Variants in FSIP2 observed in about 807,000 individuals in gnomAD.
The protein encoded by FSIP2 is fibrous sheath-interacting protein 2.
A neutral mutation model predicts 510.5 loss-of-function variants in FSIP2; 367 were observed. That is an observed-to-expected ratio of 0.72 (90% confidence interval 0.66 to 0.78). The LOEUF (loss-of-function observed/expected upper bound fraction) is 0.78, where lower values mean the gene tolerates loss of function less well. FSIP2 is among the 30% of genes least tolerant of loss of function. The pLI is 0.00. For missense variants in FSIP2, 7,594 were observed against 7,901.7 expected (o/e 0.96, Z 1.48); for synonymous variants, 2,601 against 2,732.2 (o/e 0.95, Z 1.50).
rs1158857417 is a variant in FSIP2 at position 185,803,241 on chromosome 2, A to C, written c.13935A>C (p.Lys4645Asn). ...GGGTAGTAGGCATTGTACAAACAAA[A>C]TCCATAAGAGATTCAGAAGATGAAC... ...FHRVVGIVQT[K>N]SIRDSEDELF... Residue 4645 changes from lysine (K) to asparagine (N), a missense_variant, in exon 17 of 23, where the codon AAA becomes AAC. Lys to Asn is a moderately conservative substitution (Grantham distance 94, BLOSUM62 0). Coordinates refer to ENST00000424728, the MANE Select transcript of FSIP2 (RefSeq NM_173651.4). The C allele has an allele frequency of 1.3e-6, 2 of 1,527,860 alleles. No individual in the cohort carries two copies. Among genetic ancestry groups the C allele is most frequent in the Non-Finnish European group, 1.7e-6 (2 of 1,143,458 alleles). 94.6% of individuals were successfully genotyped at this position (1,527,860 alleles called of 1,614,324 possible).
chr2:185,826,078 A>G (rs1232835087), intron 20 of FSIP2, among the ~76,000 whole-genome samples: 1 of 151,816 alleles, frequency 6.6e-6, no homozygotes. Context: ...TTGTAGCCTA[A>G]AAGACATACA....
At chr2:185,817,134 G>A (rs1057507958) in intron 19 of FSIP2, among the ~76,000 whole-genome samples, 9 of 152,014 alleles carry the variant, frequency 5.9e-5, no homozygotes, top group Admixed American at 5.2e-4. Context: ...GTATAACACA[G>A]TTAAGAGAAA....
intron 13 of FSIP2, among the ~76,000 whole-genome samples, chr2:185,777,512 T>A (rs942830981): frequency 5.9e-5 from 9 of 151,982 alleles, no homozygotes; most frequent in African/African-American, 2.2e-4. Context: ...TTAAATAATT[T>A]CTCATTAAGT....
chr2:185,807,853 G>A lies in FSIP2; in HGVS notation c.18547G>A (p.Ala6183Thr). The part of the protein sequence containing the change: ...KLSYNIIEEI[A>T]VKFLSKLLSI... ...GTCTTATAACATAATAGAAGAAATTGCTGTGAAATTTTTATCAAAGCTTTT... is the reference window on the plus strand; with the variant it reads ...GTCTTATAACATAATAGAAGAAATTACTGTGAAATTTTTATCAAAGCTTTT... The change falls in exon 17 of 23, where the codon GCT becomes ACT. Residue 6183 changes from alanine to threonine, a missense_variant. Coordinates refer to ENST00000424728, the MANE Select transcript of FSIP2 (RefSeq NM_173651.4). The A allele has an allele frequency of 3.1e-6, 5 of 1,610,564 alleles. No homozygotes were observed. Among genetic ancestry groups the A allele is most frequent in the Non-Finnish European group, 4.2e-6 (5 of 1,178,608 alleles).
Position 185,791,330 on chromosome 2 carries a change from T to C in FSIP2, c.4194T>C (p.Asn1398=). The change falls in exon 16 of 23, where the codon AAT becomes AAC. Residue 1398 remains asparagine, a synonymous_variant. Transcript: ENST00000424728. ...TTGATGTACAAAGCATTTTGCCAAATAGGCAAGATAAAAAATCTTTTCACA... is the reference window on the plus strand; with the variant it reads ...TTGATGTACAAAGCATTTTGCCAAACAGGCAAGATAAAAAATCTTTTCACA... ...DSVDVQSILP[N]RQDKKSFHKY... The C allele has an allele frequency of 5.2e-6, 8 of 1,534,148 alleles. No individual in the cohort carries two copies. Among genetic ancestry groups the C allele is most frequent in the South Asian group, 1.2e-5 (1 of 84,016 alleles).
At chr2:185,782,004 C>G (rs182166443) in intron 13 of FSIP2, among the ~76,000 whole-genome samples, 3 of 152,036 alleles carry the variant, frequency 2.0e-5, no homozygotes, top group Non-Finnish European at 4.4e-5. Flanking sequence ...CCCGGCTAAT[C>G]TTTTTGTATT....
At chr2:185,753,697 C>T (rs1330072714) in intron 7 of FSIP2, 25 bp from the exon 8 acceptor site, 4 of 950,644 alleles carry the variant, frequency 4.2e-6, no homozygotes, top group Admixed American at 3.1e-5. Flanking sequence ...TAATATTAAC[C>T]AATATATTTT....
Position 185,753,711 on chromosome 2 carries a change from T to G in FSIP2, c.871-11T>G. The G allele has an allele frequency of 9.4e-7, 1 of 1,061,458 alleles. No individual in the cohort carries two copies. The highest frequency in any genetic ancestry group is 1.3e-6 in the Non-Finnish European group (1 of 749,570). The allele number at this position is 1,061,458 out of a possible 1,614,324, so 65.8% of individuals were successfully genotyped here. On this transcript the variant is annotated splice_polypyrimidine_tract_variant and intron_variant, in intron 7 of 22. Transcript: ENST00000424728. ...TTAATATTAACCAATATATTTTCTT[T>G]AATATTGTAGAAACAAGATCTTCTA... is the stretch of plus-strand genomic sequence containing the variant.
At chr2:185,755,182 AC>A (rs1692220260) in intron 8 of FSIP2, among the ~76,000 whole-genome samples, 1 of 151,540 alleles carries the variant, frequency 6.6e-6, no homozygotes, top group Non-Finnish European at 1.5e-5. Flanking sequence ...AGTAGTTTGC[AC>A]CACTTTTAAT....
chr2:185,776,977 G>A (rs1692738192), intron 13 of FSIP2, among the ~76,000 whole-genome samples: 1 of 152,096 alleles, frequency 6.6e-6, no homozygotes, highest in African/African-American at 2.4e-5. Context: ...GCCCACCTCA[G>A]CCTCCCAAAG....
chr2:185,793,674 C>A lies in FSIP2; in HGVS notation c.6538C>A (p.Pro2180Thr). 2.0e-6 allele frequency: 3 copies of A among 1,534,718 alleles called. No homozygotes were observed. In the South Asian group the frequency reaches 3.6e-5, roughly 18 times the overall value. Reference protein sequence around the residue: ...AATLVINAKNPTSARLPLTFC... With the variant: ...AATLVINAKNTTSARLPLTFC... ...CACGCTTGTCATAAATGCAAAGAATCCTACTTCTGCAAGATTGCCCCTGAC... is the reference window on the plus strand; with the variant it reads ...CACGCTTGTCATAAATGCAAAGAATACTACTTCTGCAAGATTGCCCCTGAC... Residue 2180 changes from proline to threonine, a missense_variant, in exon 16 of 23, where the codon CCT becomes ACT. Transcript: ENST00000424728.
chr2:185,745,332 GAATT>G (rs972376045), intron 4 of FSIP2, 93 bp from the exon 5 acceptor site: 3 of 733,420 alleles, frequency 4.1e-6, no homozygotes, highest in Non-Finnish European at 6.0e-6. Context: ...CAATTAAACA[GAATT>G]AAGCATTTAT....
In FSIP2 at chr2:185,791,384, C is replaced by T. The variant is rs1328902408; in HGVS notation, c.4248C>T (p.His1416=). 9.1e-6 allele frequency: 14 copies of T among 1,533,986 alleles called. No individual in the cohort carries two copies. Among genetic ancestry groups the T allele is most frequent in the Non-Finnish European group, 1.2e-5 (14 of 1,145,500 alleles). The change falls in exon 16 of 23, where the codon CAC becomes CAT. Residue 1416 remains histidine, a synonymous_variant. Transcript: ENST00000424728. ...ATTTGGCTACTCCTTGTACTCACCACAGTGTCAATGGTGGAAACCATATTA... is the reference window on the plus strand; with the variant it reads ...ATTTGGCTACTCCTTGTACTCACCATAGTGTCAATGGTGGAAACCATATTA... ...HKYLATPCTH[H]SVNGGNHIKE...
At position 185,796,724 on chromosome 2, in the gene FSIP2, G is replaced by A. The variant is rs1693290167; in HGVS notation, c.9588G>A (p.Met3196Ile). The A allele has an allele frequency of 1.3e-6, 2 of 1,534,940 alleles. No homozygotes were observed. The highest frequency in any genetic ancestry group is 2.4e-5 in the South Asian group (2 of 84,040). Residue 3196 changes from methionine to isoleucine, a missense_variant, in exon 16 of 23, where the codon ATG (methionine) becomes ATA (isoleucine). Coordinates refer to ENST00000424728, the MANE Select transcript of FSIP2 (RefSeq NM_173651.4). ...TTGTGTTTTGTTCAGATGAAGATAT[G>A]AAAGAAAAGTACAGGGTTTCATCAG... ...TGFVFCSDED[M>I]KEKYRVSSDL...
intron 19 of FSIP2, among the ~76,000 whole-genome samples, chr2:185,823,701 C>T (rs1693966156): frequency 6.6e-6 from 1 of 151,664 alleles, no homozygotes; most frequent in Non-Finnish European, 1.5e-5. Context: ...AAAAATTAAA[C>T]ATAGACTTAC....
rs1166054172 is a variant in FSIP2, at chr2:185,745,453, A to G, written c.502A>G (p.Asn168Asp). ...EQRILAKQLHNIPENNQIPQH... is the reference protein window; with the variant it reads ...EQRILAKQLHDIPENNQIPQH... The stretch of plus-strand genomic sequence containing the variant: ...GAGAATACTTGCAAAACAACTACAT[A>G]ACATACCGGAAAACAATCAAATCCC... The change falls in exon 5 of 23, where the codon AAC becomes GAC. Residue 168 changes from asparagine to aspartate, a missense_variant. Asn to Asp is a conservative substitution (Grantham distance 23). Transcript: ENST00000424728. 1 of 1,533,834 alleles carries G rather than the reference A, an allele frequency of 6.5e-7. No homozygotes were observed. The highest frequency in any genetic ancestry group is 8.7e-7 in the Non-Finnish European group (1 of 1,145,086).
chr2:185,737,359 G>T (rs1559005619), upstream of FSIP2, among the ~76,000 whole-genome samples: 1 of 152,230 alleles, frequency 6.6e-6, no homozygotes, highest in African/African-American at 2.4e-5. Flanking sequence ...GTGAGGAAGA[G>T]AAATGGTCAG....
At position 185,805,127 on chromosome 2, in the gene FSIP2, C is replaced by G. The variant is rs771393033; in HGVS notation, c.15821C>G (p.Ala5274Gly). Reference sequence around the variant, plus strand: ...AAGACACAGCCTTCTCTCTATTCAGCTACATTTTTGGAAGACATAATCATT... The same window carrying G: ...AAGACACAGCCTTCTCTCTATTCAGGTACATTTTTGGAAGACATAATCATT... ...KEKTQPSLYS[A>G]TFLEDIIIDL... Residue 5274 changes from alanine (A) to glycine (G), a missense_variant, in exon 17 of 23, where the codon GCT becomes GGT. Physicochemically the swap from Ala to Gly is moderately conservative, Grantham distance 60 (BLOSUM62 0). Transcript: ENST00000424728. 1.1e-4 allele frequency: 177 copies of G among 1,609,492 alleles called. No homozygotes were observed. Among genetic ancestry groups the G allele is most frequent in the Admixed American group, 1.5e-4 (9 of 59,642 alleles).
At chr2:185,764,900 C>A in intron 13 of FSIP2, 1 of 181,690 alleles carries the variant, frequency 5.5e-6, no homozygotes, top group African/African-American at 2.3e-5. Flanking sequence ...TTCCTATTTT[C>A]TTTTTGTTAT....
Sources: allele counts gnomAD v4.1 joint callset (sites outside exome capture counted in the v4.1 genomes callset), GRCh38; gene constraint gnomAD v4.1.1; transcripts MANE v1.5; gene names NCBI Gene and HGNC (gene_info 2026-07-23, HGNC 2026-07-21).